Variants in RYR2 observed in about 807,000 individuals in gnomAD.
RYR2 encodes ryanodine receptor 2, also known as cardiac muscle ryanodine receptor-calcium release channel.
Under a neutral mutation model 601.1 loss-of-function variants are expected in RYR2, and 227 were observed. The ratio of observed to expected loss-of-function variants is 0.38; its 90% CI spans 0.34 to 0.42. The LOEUF is 0.42. Among genes scored for constraint, RYR2 ranks in the 10% least tolerant of loss-of-function variants. RYR2 has a pLI of 1.00. For missense variants in RYR2, 4,646 were observed against 6,156.5 expected (o/e 0.75, Z 8.21); for synonymous variants, 2,223 against 2,175.1 (o/e 1.02, Z -0.61).
rs190839703 is a variant in RYR2 at position 237,526,365 on chromosome 1, A to C, written c.2823-4062A>C. On this transcript the variant is annotated intron_variant, in intron 24 of 104. Transcript: ENST00000366574. Reference sequence around the variant, plus strand: ...TTTCTTTTCTTTTCTTTTTTTTTTCAGGACCAGAGTCTCACTCTGTAGCCC... The same window carrying C: ...TTTCTTTTCTTTTCTTTTTTTTTTCCGGACCAGAGTCTCACTCTGTAGCCC... Among the ~76,000 whole-genome samples the C allele has an allele frequency of 1.8e-3, 273 of 148,582 alleles. 3 individuals carry two copies. The South Asian group carries it at 0.019, about 10-fold the overall frequency.
At chr1:237,155,630 A>G (rs1675242432) in intron 1 of RYR2, among the ~76,000 whole-genome samples, 1 of 152,218 alleles carries the variant, frequency 6.6e-6, no homozygotes. Context: ...GTTCATTTAA[A>G]TGTTCTTACA....
intron 1 of RYR2, among the ~76,000 whole-genome samples, chr1:237,253,670 A>G (rs554492076): frequency 2.0e-5 from 3 of 152,332 alleles, no homozygotes; most frequent in Non-Finnish European, 4.4e-5. Context: ...TCCTCTGCCA[A>G]TGTACAACCT....
chr1:237,483,178 C>A (rs78248272), intron 17 of RYR2, among the ~76,000 whole-genome samples: 12,499 of 152,200 alleles, frequency 0.082, 654 homozygotes, highest in African/African-American at 0.15. Context: ...CCCCTGAATT[C>A]TCCTCTGATC....
chr1:237,742,395 A>G (rs1334939580), intron 80 of RYR2, 46 bp downstream of exon 80: 1 of 1,272,016 alleles, frequency 7.9e-7, no homozygotes, highest in Non-Finnish European at 1.1e-6. Context: ...ATCTTGAAAC[A>G]TTGTTTCATA....
chr1:237,822,294 C>T (rs749922632), intron 101 of RYR2, among the ~76,000 whole-genome samples: 5 of 152,060 alleles, frequency 3.3e-5, no homozygotes, highest in African/African-American at 9.7e-5. Context: ...GTCGGGTTAC[C>T]GACAAAGGGA....
chr1:237,191,721 G>A (rs1469091856), intron 1 of RYR2, among the ~76,000 whole-genome samples: 1 of 152,114 alleles, frequency 6.6e-6, no homozygotes, highest in East Asian at 1.9e-4. Flanking sequence ...TTCATTTAAT[G>A]ATCTAAACAG....
At chr1:237,465,960 A>G (rs1290731841) in intron 16 of RYR2, among the ~76,000 whole-genome samples, 1 of 152,206 alleles carries the variant, frequency 6.6e-6, no homozygotes, top group African/African-American at 2.4e-5. Context: ...TGTAGAAATT[A>G]CTTATTTATT....
intron 1 of RYR2, among the ~76,000 whole-genome samples, chr1:237,255,636 T>C (rs1687883944): frequency 6.6e-6 from 1 of 152,152 alleles, no homozygotes; most frequent in Admixed American, 6.6e-5. Flanking sequence ...TTTCAATTTT[T>C]TTCACACATT....
chr1:237,639,298 G>A (rs1681206450), intron 46 of RYR2, 97 bp downstream of exon 46: 1 of 1,173,664 alleles, frequency 8.5e-7, no homozygotes, highest in Non-Finnish European at 1.2e-6. Context: ...AATATAACTT[G>A]TGGTACAGAA....
At chr1:237,744,995 G>T (rs1204103030) in intron 80 of RYR2, among the ~76,000 whole-genome samples, 1 of 151,776 alleles carries the variant, frequency 6.6e-6, no homozygotes, top group Non-Finnish European at 1.5e-5. Flanking sequence ...TAGAGACGGG[G>T]TTTCACCATG....
chr1:237,634,760 AAATC>A, intron 43 of RYR2, 125 bp from the exon 44 acceptor site: 1 of 622,898 alleles, frequency 1.6e-6, no homozygotes, highest in South Asian at 2.5e-5. Flanking sequence ...ACTTTAATGT[AAATC>A]AATGTAGATT....
chr1:237,221,161 T>G (rs532757122), intron 1 of RYR2, among the ~76,000 whole-genome samples: 1 of 152,270 alleles, frequency 6.6e-6, no homozygotes, highest in African/African-American at 2.4e-5. Context: ...TCTGCTTGTC[T>G]TATAAGTTTG....
intron 63 of RYR2, among the ~76,000 whole-genome samples, chr1:237,691,381 G>A (rs113114635): frequency 0.017 from 2,646 of 152,234 alleles, 33 homozygotes; most frequent in South Asian, 0.043. Flanking sequence ...TCTGGTGGTA[G>A]TAATTGTGGT....
intron 2 of RYR2, among the ~76,000 whole-genome samples, chr1:237,318,170 C>T (rs1255940963): frequency 1.3e-5 from 2 of 150,164 alleles, no homozygotes; most frequent in South Asian, 2.1e-4. Flanking sequence ...CATCTAAAAT[C>T]GTAACTTCAC....
At chr1:237,243,425 T>A (rs1558485576) in intron 1 of RYR2, among the ~76,000 whole-genome samples, 1 of 152,180 alleles carries the variant, frequency 6.6e-6, no homozygotes, top group African/African-American at 2.4e-5. Context: ...TACGGGCTTA[T>A]TATAAAGACT....
intron 1 of RYR2, among the ~76,000 whole-genome samples, chr1:237,080,678 G>A (rs1186955688): frequency 1.6e-5 from 1 of 63,338 alleles, no homozygotes; most frequent in East Asian, 3.4e-4. Context: ...TTACACTGTT[G>A]GTGGGACTGT....
At chr1:237,459,343 G>A (rs1199896977) in intron 16 of RYR2, among the ~76,000 whole-genome samples, 1 of 152,130 alleles carries the variant, frequency 6.6e-6, no homozygotes, top group Admixed American at 6.5e-5. Context: ...CCAGCTGCGT[G>A]GGGGGCTGAA....
rs549657852 is a variant in RYR2 at position 237,347,412 on chromosome 1, C to T, written c.274-8553C>T. Among the ~76,000 whole-genome samples the T allele has an allele frequency of 5.9e-5, 9 of 152,298 alleles. No homozygotes were observed. The East Asian group carries it at 1.7e-3, about 29-fold the overall frequency. ...ATATATTAGTTTCTTTCCCTTTCTA[C>T]TTTCGGGATGAATTCACTGCTTGTT... On this transcript the variant is annotated intron_variant, in intron 3 of 104. Coordinates refer to ENST00000366574, the MANE Select transcript of RYR2 (RefSeq NM_001035.3).
chr1:237,208,980 A>ATATATATAT (rs1553342547), intron 1 of RYR2, among the ~76,000 whole-genome samples: 14 of 116,626 alleles, frequency 1.2e-4, no homozygotes, highest in Middle Eastern at 4.7e-3. Context: ...ATATATATAT[A>ATATATATAT]TATATGTATA....
Sources: gnomAD v4.1 joint callset for allele counts (sites outside exome capture counted in the v4.1 genomes callset) on GRCh38, gnomAD v4.1.1 for gene constraint, MANE v1.5 for transcripts, NCBI Gene and HGNC (gene_info 2026-07-23, HGNC 2026-07-21) for gene names.